Variants in LRRC31 observed in about 807,000 individuals in gnomAD.
The protein encoded by LRRC31 is leucine-rich repeat-containing protein 31.
A neutral mutation model predicts 46.7 loss-of-function variants in LRRC31; 35 were observed. The observed-to-expected ratio is 0.75, with a 90% CI of 0.57 to 0.99. LRRC31 has a LOEUF of 0.99. LRRC31 is among the 50% of genes least tolerant of loss of function. The probability of loss-of-function intolerance (pLI) is 0.00; values close to 1 mark genes in which losing one functional copy is unlikely to be tolerated. For synonymous variants in LRRC31, 236 were observed against 235.1 expected (o/e 1.00, Z -0.03); for missense variants, 613 against 626.1 (o/e 0.98, Z 0.22).
At chr3:169,855,557 G>C (rs1780916230) in intron 5 of LRRC31, among the ~76,000 whole-genome samples, 1 of 152,204 alleles carries the variant, frequency 6.6e-6, no homozygotes, top group Non-Finnish European at 1.5e-5. Flanking sequence ...CAAGCTGCCA[G>C]TGAATATTAC....
At chr3:169,860,505 G>A in intron 3 of LRRC31, 56 bp downstream of exon 3, 1 of 1,578,542 alleles carries the variant, frequency 6.3e-7, no homozygotes, top group Admixed American at 1.7e-5. Flanking sequence ...TAGGATTACA[G>A]CTGTGAGCCA....
At position 169,861,049 on chromosome 3, in the gene LRRC31, A is replaced by G. The variant is rs1442413622; in HGVS notation, c.320-321T>C. 2.0e-5 allele frequency among the ~76,000 whole-genome samples: 3 copies of G among 150,988 alleles called. No homozygotes were observed. In the East Asian group the frequency reaches 5.9e-4, roughly 30 times the overall value. On this transcript the variant is annotated intron_variant, in intron 2 of 8. Transcript: ENST00000316428. The stretch of plus-strand genomic sequence containing the variant: ...AGTCTTCAAAACTTGAGGAAGGATC[A>G]ATTAACTTGTTTTTCTTTTCCTTTT...
In LRRC31 at chr3:169,840,306, G is replaced by A. The variant is rs1780409156; in HGVS notation, c.1335C>T (p.Val445=). Residue 445 remains valine, a synonymous_variant, in exon 9 of 9, where the codon GTC becomes GTT. Coordinates refer to ENST00000316428, the MANE Select transcript of LRRC31 (RefSeq NM_024727.4). Reference sequence around the variant, plus strand: ...GTTTGGCCAGATGACCCGTCTGTATGACCGATGCTGGAAAACAGAATCACT... The same window carrying A: ...GTTTGGCCAGATGACCCGTCTGTATAACCGATGCTGGAAAACAGAATCACT... ...VTEDVALLAS[V]IQTGHLAKLQ... 2 of 1,614,052 alleles carry A rather than the reference G, an allele frequency of 1.2e-6. No individual in the cohort carries two copies. Among genetic ancestry groups the A allele is most frequent in the African/African-American group, 1.3e-5 (1 of 75,038 alleles).
At chr3:169,860,775 A>G (rs765948409) in intron 2 of LRRC31, 47 bp from the exon 3 acceptor site, 2 of 1,562,578 alleles carry the variant, frequency 1.3e-6, no homozygotes, top group Non-Finnish European at 1.8e-6. Context: ...GTGACTTGTG[A>G]TTTGTAGTAA....
chr3:169,867,168 A>G (rs1781359309), intron 1 of LRRC31, among the ~76,000 whole-genome samples: 1 of 149,526 alleles, frequency 6.7e-6, no homozygotes, highest in Admixed American at 6.7e-5. Context: ...CTCCCACCTC[A>G]GCCTCCAGAG....
Position 169,850,751 on chromosome 3 carries a change from G to A in LRRC31, c.1159+868C>T, listed in dbSNP as rs191140324. On this transcript the variant is annotated intron_variant, in intron 7 of 8. Coordinates refer to ENST00000316428, the MANE Select transcript of LRRC31 (RefSeq NM_024727.4). The stretch of plus-strand genomic sequence containing the variant: ...TGAATGCATGTAAAGTTCTTGGAAA[G>A]GGGCCTGGCACATAGGATATGCTCA... 2.4e-3 allele frequency among the ~76,000 whole-genome samples: 361 copies of A among 152,250 alleles called. 3 individuals carry two copies. Among genetic ancestry groups the A allele is most frequent in the African/African-American group, 8.4e-3 (350 of 41,564 alleles).
At position 169,839,971 on chromosome 3, in the gene LRRC31, G is replaced by A. The variant is rs759032196; in HGVS notation, c.*11C>T. The A allele has an allele frequency of 1.9e-6, 3 of 1,592,920 alleles. No individual in the cohort carries two copies. The Admixed American group carries it at 5.1e-5, about 27-fold the overall frequency. ...AATGGTTTGTAGCTTAGTAGGACAT[G>A]GGAAATCAGTTTACTGAAACCCACC... On this transcript the variant is annotated 3_prime_UTR_variant, in exon 9 of 9. Coordinates refer to ENST00000316428, the MANE Select transcript of LRRC31 (RefSeq NM_024727.4).
chr3:169,867,436 T>C (rs1344577557), intron 1 of LRRC31, among the ~76,000 whole-genome samples: 1 of 151,660 alleles, frequency 6.6e-6, no homozygotes, highest in Non-Finnish European at 1.5e-5. Flanking sequence ...TTTTTATATT[T>C]TTAATAGAGA....
intron 7 of LRRC31, among the ~76,000 whole-genome samples, 200 bp downstream of exon 7, chr3:169,851,419 A>T (rs1780761845): frequency 6.6e-6 from 1 of 152,088 alleles, no homozygotes; most frequent in Non-Finnish European, 1.5e-5. Context: ...TACAAACAAC[A>T]ACAACAAAAA....
At chr3:169,844,722 A>C (rs1780551673) in intron 8 of LRRC31, among the ~76,000 whole-genome samples, 1 of 152,188 alleles carries the variant, frequency 6.6e-6, no homozygotes, top group Admixed American at 6.5e-5. Context: ...TCACGAGGTC[A>C]GGAGATCGAG....
rs1468710843 is a variant in LRRC31, at chr3:169,851,861, A to G, written c.992-75T>C. ...GTCTTCTGGGTGTTTGGTTCCCACAATCTGTTTAATCTGTCAGTCAATACA... is the reference window on the plus strand; with the variant it reads ...GTCTTCTGGGTGTTTGGTTCCCACAGTCTGTTTAATCTGTCAGTCAATACA... On this transcript the variant is annotated intron_variant, in intron 6 of 8. Coordinates refer to ENST00000316428, the MANE Select transcript of LRRC31 (RefSeq NM_024727.4). The G allele has an allele frequency of 2.8e-6, 4 of 1,430,956 alleles. No individual in the cohort carries two copies. The African/African-American group carries it at 4.2e-5, about 15-fold the overall frequency. 88.6% of individuals were successfully genotyped at this position (1,430,956 alleles called of 1,614,324 possible). A position where few individuals can be genotyped will look rare whatever the true frequency, so the allele number is the denominator to read the frequency against.
intron 8 of LRRC31, among the ~76,000 whole-genome samples, chr3:169,843,679 T>C (rs1341519238): frequency 6.6e-6 from 1 of 152,164 alleles, no homozygotes; most frequent in Non-Finnish European, 1.5e-5. Context: ...AATCCACAAA[T>C]TAACATGTTA....
At chr3:169,845,956 G>A (rs1780591911) in intron 8 of LRRC31, among the ~76,000 whole-genome samples, 1 of 152,138 alleles carries the variant, frequency 6.6e-6, no homozygotes, top group Non-Finnish European at 1.5e-5. Flanking sequence ...TTATATTTCT[G>A]ATAAAGGACT....
Position 169,869,888 on chromosome 3 carries a change from G to C in LRRC31, c.-81C>G. On this transcript the variant is annotated 5_prime_UTR_variant, in exon 1 of 9. In the 5' UTR this introduces an upstream ATG that the reference lacks. Coordinates refer to ENST00000316428, the MANE Select transcript of LRRC31 (RefSeq NM_024727.4). ...TCTAGGATTTCTAAGAAGAAAAGAA[G>C]ATTCTGTCAAGCCTGTGTTCAATCA... 1.5e-6 allele frequency: 2 copies of C among 1,324,474 alleles called. No homozygotes were observed. The highest frequency in any genetic ancestry group is 2.0e-6 in the Non-Finnish European group (2 of 977,848). 82.0% of individuals were successfully genotyped at this position (1,324,474 alleles called of 1,614,324 possible). A position where few individuals can be genotyped will look rare whatever the true frequency, so the allele number is the denominator to read the frequency against.
chr3:169,843,391 A>G (rs1780509455), intron 8 of LRRC31, among the ~76,000 whole-genome samples: 1 of 152,244 alleles, frequency 6.6e-6, no homozygotes, highest in African/African-American at 2.4e-5. Context: ...TAGAGCCTTC[A>G]GATGAGAACT....
chr3:169,842,810 T>C (rs1307312721), intron 8 of LRRC31, among the ~76,000 whole-genome samples: 1 of 151,900 alleles, frequency 6.6e-6, no homozygotes, highest in Non-Finnish European at 1.5e-5. Context: ...CAGACAAAAA[T>C]AAAAAAGACC....
At chr3:169,863,900 C>T (rs1369958845) in intron 1 of LRRC31, among the ~76,000 whole-genome samples, 5 of 151,940 alleles carry the variant, frequency 3.3e-5, no homozygotes. Flanking sequence ...TTTGTCTAAA[C>T]GAGTCACAAA....
chr3:169,866,628 AAC>A (rs1781339994), intron 1 of LRRC31, among the ~76,000 whole-genome samples: 2 of 152,150 alleles, frequency 1.3e-5, no homozygotes, highest in South Asian at 4.1e-4. Flanking sequence ...TTTGATGGCA[AAC>A]AATCTGATGG....
intron 8 of LRRC31, among the ~76,000 whole-genome samples, chr3:169,846,776 C>T (rs779947367): frequency 1.3e-5 from 2 of 152,154 alleles, no homozygotes; most frequent in African/African-American, 2.4e-5. Flanking sequence ...AGGTCTTTCT[C>T]GGGAAAATGT....
Sources: gnomAD v4.1 joint callset for allele counts (sites outside exome capture counted in the v4.1 genomes callset) on GRCh38, gnomAD v4.1.1 for gene constraint, MANE v1.5 for transcripts, NCBI Gene and HGNC (gene_info 2026-07-23, HGNC 2026-07-21) for gene names.